ACOX1: variants seen among roughly 807,000 people sequenced by gnomAD.
ACOX1 encodes the protein peroxisomal acyl-coenzyme A oxidase 1.
ACOX1 carries 41 observed loss-of-function variants against 75.5 expected under a neutral mutation model. That is an observed-to-expected ratio of 0.54 (90% CI 0.42 to 0.70). The LOEUF (loss-of-function observed/expected upper bound fraction) is 0.70, where lower values mean the gene tolerates loss of function less well. Ranked by LOEUF, ACOX1 falls within the 30% of genes least tolerant of loss-of-function variation. ACOX1 has a pLI of 0.00. For synonymous variants in ACOX1, 303 were observed against 298.8 expected (o/e 1.01, Z -0.15); for missense variants, 630 against 837.5 (o/e 0.75, Z 3.06).
intron 2 of ACOX1, among the ~76,000 whole-genome samples, chr17:75,964,501 G>C (rs2065913406): frequency 6.6e-6 from 1 of 152,180 alleles, no homozygotes; most frequent in African/African-American, 2.4e-5. Flanking sequence ...ACAGAGTGAA[G>C]ATGCACGCTA....
chr17:75,955,451 G>A (rs1008704962), intron 6 of ACOX1, 115 bp downstream of exon 6: 1 of 875,512 alleles, frequency 1.1e-6, no homozygotes, highest in Non-Finnish European at 1.9e-6. Context: ...GAATATGCCA[G>A]TGTGCCCTGC....
chr17:75,957,404 A>C (rs933256009), intron 4 of ACOX1, 55 bp downstream of exon 4: 4 of 1,488,032 alleles, frequency 2.7e-6, no homozygotes, highest in Admixed American at 3.3e-5. Flanking sequence ...CATTCTAAGC[A>C]AAATCTCATG....
chr17:75,960,134 G>T lies in ACOX1; in HGVS notation c.430+81C>A. On this transcript the variant is annotated intron_variant, in intron 3 of 13. Transcript: ENST00000293217. This position sits in a 1 kb window ranked among gnomAD's most constrained non-coding sequence, Gnocchi z 4.4. ...GACCATAGAACATCGACACACCATCGATGGCACATGGTGGGCACTCCACAC... is the reference window on the plus strand; with the variant it reads ...GACCATAGAACATCGACACACCATCTATGGCACATGGTGGGCACTCCACAC... The T allele has an allele frequency of 6.5e-7, 1 of 1,550,258 alleles. No homozygotes were observed. The highest frequency in any genetic ancestry group is 8.9e-7 in the Non-Finnish European group (1 of 1,126,472).
At chr17:75,958,266 T>C (rs1296799906) in intron 3 of ACOX1, among the ~76,000 whole-genome samples, 9 of 149,478 alleles carry the variant, frequency 6.0e-5, no homozygotes, top group East Asian at 3.9e-4. Context: ...GGCAGGAGAA[T>C]TGCTTGAACC....
chr17:75,949,301 A>G lies in ACOX1; in HGVS notation c.1644T>C (p.Asp548=). 1 of 1,614,210 alleles carries G rather than the reference A, an allele frequency of 6.2e-7. No homozygotes were observed. Among genetic ancestry groups the G allele is most frequent in the Non-Finnish European group, 8.5e-7 (1 of 1,180,016 alleles). ...TCCTTAAGACAGCTTGAATGGCTTTATCTTGAATTTTGAGGAGTTTTTCTG... is the reference window on the plus strand; with the variant it reads ...TCCTTAAGACAGCTTGAATGGCTTTGTCTTGAATTTTGAGGAGTTTTTCTG... The part of the protein sequence containing the change: ...LFSEKLLKIQ[D]KAIQAVLRSL... The change falls in exon 12 of 14, where the codon GAT becomes GAC. Residue 548 remains aspartate, a synonymous_variant. Coordinates refer to ENST00000293217, the MANE Select transcript of ACOX1 (RefSeq NM_004035.7).
Position 75,956,055 on chromosome 17 carries a change from T to G in ACOX1, c.539-108A>C. Reference sequence around the variant, plus strand: ...TAAATCTAACACTAGACTAAACCAATAGTATGTGTCCAGAAAGCCTTTCTG... The same window carrying G: ...TAAATCTAACACTAGACTAAACCAAGAGTATGTGTCCAGAAAGCCTTTCTG... On this transcript the variant is annotated intron_variant, in intron 4 of 13. Transcript: ENST00000293217. The G allele has an allele frequency of 2.7e-6, 4 of 1,462,868 alleles. No individual in the cohort carries two copies. In the African/African-American group the frequency reaches 4.2e-5, roughly 15 times the overall value. The allele number at this position is 1,462,868 out of a possible 1,614,324, so 90.6% of individuals were successfully genotyped here. A position where few individuals can be genotyped will look rare whatever the true frequency, so the allele number is the denominator to read the frequency against.
At position 75,949,490 on chromosome 17, in the gene ACOX1, C is replaced by T; in HGVS notation, c.1584+5G>A. On this transcript the variant is annotated splice_donor_5th_base_variant and intron_variant, in intron 11 of 13. Coordinates refer to ENST00000293217, the MANE Select transcript of ACOX1 (RefSeq NM_004035.7). Reference sequence around the variant, plus strand: ...GAAGGGGAAAAAGAGAGAACTACCACTGACCTCACTTGCTCGAACAAGGTC... The same window carrying T: ...GAAGGGGAAAAAGAGAGAACTACCATTGACCTCACTTGCTCGAACAAGGTC... The T allele has an allele frequency of 1.9e-6, 3 of 1,613,922 alleles. No individual in the cohort carries two copies. The highest frequency in any genetic ancestry group is 1.3e-5 in the African/African-American group (1 of 75,058).
Position 75,953,570 on chromosome 17 carries a change from G to C in ACOX1, c.825C>G (p.Tyr275Ter). Residue 275 changes from tyrosine to a stop codon, truncating the protein, a stop_gained, in exon 7 of 14, where the codon TAC (tyrosine) becomes TAG (stop). Transcript: ENST00000293217. LOFTEE classifies it high-confidence loss of function. ...AGGACCTGACAAACACCATGGTCCCGTAAGTCAGCTTGTTACTCAGCGGTT... is the reference window on the plus strand; with the variant it reads ...AGGACCTGACAAACACCATGGTCCCCTAAGTCAGCTTGTTACTCAGCGGTT... ...YVKPLSNKLT[Y>*]GTMVFVRSFL... The C allele has an allele frequency of 6.2e-7, 1 of 1,614,168 alleles. No individual in the cohort carries two copies. Among genetic ancestry groups the C allele is most frequent in the Non-Finnish European group, 8.5e-7 (1 of 1,180,012 alleles).
At chr17:75,970,325 T>G (rs907560833) in intron 2 of ACOX1, among the ~76,000 whole-genome samples, 2 of 152,152 alleles carry the variant, frequency 1.3e-5, no homozygotes, top group Non-Finnish European at 2.9e-5. Context: ...CGACCTGTTT[T>G]GTGGCCTAAA....
At chr17:75,970,184 CAA>C (rs55762557) in intron 2 of ACOX1, among the ~76,000 whole-genome samples, 48 of 69,028 alleles carry the variant, frequency 7.0e-4, no homozygotes, top group African/African-American at 1.3e-3. Flanking sequence ...GAGACTCCTT[CAA>C]AAAAAAAAAA....
At chr17:75,957,667 G>T (rs1947746712) in intron 3 of ACOX1, 101 bp from the exon 4 acceptor site, 2 of 858,256 alleles carry the variant, frequency 2.3e-6, no homozygotes, top group Non-Finnish European at 3.8e-6. Flanking sequence ...ATATCTCAGA[G>T]AAAAACAAAA....
chr17:75,961,874 G>C (rs1462780899), intron 2 of ACOX1, among the ~76,000 whole-genome samples: 2 of 152,086 alleles, frequency 1.3e-5, no homozygotes, highest in Admixed American at 6.6e-5. Context: ...TTGAAGCCAG[G>C]AGTCGGAGAA....
Position 75,957,572 on chromosome 17 carries a change from G to A in ACOX1, c.431-6C>T, listed in dbSNP as rs371832930. On this transcript the variant is annotated splice_region_variant and splice_polypyrimidine_tract_variant and intron_variant, in intron 3 of 13. Coordinates refer to ENST00000293217, the MANE Select transcript of ACOX1 (RefSeq NM_004035.7). The stretch of plus-strand genomic sequence containing the variant: ...CAAGCCTCGAAGGTGAGTTCCTAAG[G>A]AGATAAATTACATTGACTTCAGTTA... The A allele has an allele frequency of 1.9e-6, 3 of 1,610,954 alleles. No homozygotes were observed. In the African/African-American group the frequency reaches 4.0e-5, roughly 22 times the overall value.
chr17:75,963,315 C>T (rs556438546), intron 2 of ACOX1, among the ~76,000 whole-genome samples: 1 of 152,074 alleles, frequency 6.6e-6, no homozygotes, highest in East Asian at 1.9e-4. Flanking sequence ...ACTTGTACCC[C>T]CTAAACCTAT....
Position 75,949,353 on chromosome 17 carries a change from C to G in ACOX1, c.1592G>C (p.Cys531Ser). 6.2e-7 allele frequency: 1 copy of G among 1,614,080 alleles called. No homozygotes were observed. The highest frequency in any genetic ancestry group is 8.5e-7 in the Non-Finnish European group (1 of 1,180,014). ...AAAGAGCTTAACTACCACATAGTGGCAATGTGCCTAAGATTAAAAAGAAAA... is the reference window on the plus strand; with the variant it reads ...AAAGAGCTTAACTACCACATAGTGGGAATGTGCCTAAGATTAAAAAGAAAA... Reference protein sequence around the residue: ...VDLVRASEAHCHYVVVKLFSE... With the variant: ...VDLVRASEAHSHYVVVKLFSE... The change falls in exon 12 of 14, where the codon TGC becomes TCC. Residue 531 changes from cysteine (C) to serine (S), a missense_variant. By Grantham distance (112) the Cys-to-Ser change is moderately radical. Around this residue, in one of 2 missense-constraint regions of ACOX1, gnomAD observed 240 missense variants for 262.7 expected, o/e 0.91. Coordinates refer to ENST00000293217, the MANE Select transcript of ACOX1 (RefSeq NM_004035.7).
In ACOX1 at chr17:75,945,433, G is replaced by C. The variant is rs1031467415; in HGVS notation, c.*1315C>G. On this transcript the variant is annotated 3_prime_UTR_variant, in exon 14 of 14. Transcript: ENST00000293217. ...AAGTCTCATATTACCAGTTCCCCAGGATAGATAGATATTATGTCAGGTCCC... is the reference window on the plus strand; with the variant it reads ...AAGTCTCATATTACCAGTTCCCCAGCATAGATAGATATTATGTCAGGTCCC... The C allele has an allele frequency of 6.6e-6, 1 of 151,972 alleles. No individual in the cohort carries two copies. Among genetic ancestry groups the C allele is most frequent in the South Asian group, 2.1e-4 (1 of 4,830 alleles). 9.4% of individuals were successfully genotyped at this position (151,972 alleles called of 1,614,324 possible). A position where few individuals can be genotyped will look rare whatever the true frequency, so the allele number is the denominator to read the frequency against.
intron 2 of ACOX1, among the ~76,000 whole-genome samples, chr17:75,969,341 T>C (rs543474816): frequency 2.0e-5 from 3 of 151,902 alleles, no homozygotes; most frequent in African/African-American, 7.2e-5. Flanking sequence ...TAATTTTGTA[T>C]TTTTAGTACG....
chr17:75,949,119 C>G (rs2065749658), intron 12 of ACOX1, 98 bp downstream of exon 12: 2 of 1,468,662 alleles, frequency 1.4e-6, no homozygotes, highest in Admixed American at 3.4e-5. Context: ...CTTGGGCTCC[C>G]AAAGTGCTGG....
chr17:75,961,794 T>C (rs971130504), intron 2 of ACOX1, among the ~76,000 whole-genome samples: 5 of 145,534 alleles, frequency 3.4e-5, no homozygotes, highest in Non-Finnish European at 3.0e-5. Flanking sequence ...TTGTATAGAA[T>C]GGAGAATTTG....
Sources: allele counts gnomAD v4.1 joint callset (sites outside exome capture counted in the v4.1 genomes callset), GRCh38; gene constraint gnomAD v4.1.1; regional missense constraint gnomAD v4.1.1; non-coding constraint Gnocchi (gnomAD v3.1); transcripts MANE v1.5; gene names NCBI Gene and HGNC (gene_info 2026-07-23, HGNC 2026-07-21).